TFEC: variants seen among roughly 807,000 people sequenced by gnomAD.
The protein encoded by TFEC is class E basic helix-loop-helix protein 34.
Under a neutral mutation model 41.6 loss-of-function variants are expected in TFEC, and 31 were observed. The ratio of observed to expected loss-of-function variants is 0.74; its 90% CI spans 0.56 to 1.01. The LOEUF (loss-of-function observed/expected upper bound fraction) is 1.01, where lower values mean the gene tolerates loss of function less well. Ranked by LOEUF, TFEC falls within the 50% of genes least tolerant of loss-of-function variation. The probability of loss-of-function intolerance (pLI) is 0.00; values close to 1 mark genes in which losing one functional copy is unlikely to be tolerated. For missense variants in TFEC, 402 were observed against 404.1 expected (o/e 0.99, Z 0.04); for synonymous variants, 143 against 140.6 (o/e 1.02, Z -0.12).
At chr7:115,995,333 TTAAAG>T (rs1390135653) in intron 1 of TFEC, among the ~76,000 whole-genome samples, 1 of 151,804 alleles carries the variant, frequency 6.6e-6, no homozygotes, top group Admixed American at 6.6e-5. Flanking sequence ...ACCCTAGAAC[TTAAAG>T]TATATTAAAA....
chr7:115,951,946 T>C (rs1791967574), intron 5 of TFEC, among the ~76,000 whole-genome samples: 1 of 152,084 alleles, frequency 6.6e-6, no homozygotes, highest in Non-Finnish European at 1.5e-5. Context: ...ACATGGTATC[T>C]TTTTCAACAG....
intron 3 of TFEC, among the ~76,000 whole-genome samples, chr7:115,959,973 G>A (rs10277451): frequency 0.85 from 128,956 of 151,456 alleles, 55,029 homozygotes; most frequent in Non-Finnish European, 0.89. Context: ...AGAATTAATA[G>A]TAATCAATGG....
In TFEC at chr7:116,084,390, T is replaced by G. The variant is rs752717736; in HGVS notation, c.198+26318A>C. ...ATCATAAACACAACTTTATAACAAA[T>G]AAAAATATTTTAACTAGCTAGTTGC... On this transcript the variant is annotated intron_variant, in intron 3 of 8. Transcript: ENST00000484212. Among the ~76,000 whole-genome samples, 38 of 151,872 alleles carry G rather than the reference T, an allele frequency of 2.5e-4. 1 individual carries two copies. The highest frequency in any genetic ancestry group is 5.9e-5 in the Non-Finnish European group (4 of 67,860).
At chr7:116,036,953 A>G (rs1795925845) in intron 3 of TFEC, among the ~76,000 whole-genome samples, 1 of 152,076 alleles carries the variant, frequency 6.6e-6, no homozygotes, top group African/African-American at 2.4e-5. Flanking sequence ...TTGATAATAG[A>G]TAACATTTAA....
In TFEC at chr7:115,954,526, C is replaced by CT. The variant is rs1792115374; in HGVS notation, c.439+59_439+60insA. On this transcript the variant is annotated intron_variant, in intron 5 of 7. Coordinates refer to ENST00000265440, the MANE Select transcript of TFEC (RefSeq NM_012252.4). The stretch of plus-strand genomic sequence containing the variant: ...TTATGGAGTATAATAAAAGACCACA[C>CT]ACCTTAACCTCTATGCATTTCCTTT... 4.3e-6 allele frequency: 6 copies of CT among 1,396,680 alleles called. No individual in the cohort carries two copies. In the Admixed American group the frequency reaches 1.3e-4, roughly 31 times the overall value. 86.5% of individuals were successfully genotyped at this position (1,396,680 alleles called of 1,614,324 possible).
intron 3 of TFEC, among the ~76,000 whole-genome samples, chr7:116,038,578 C>T (rs1365566356): frequency 1.3e-5 from 2 of 151,968 alleles, no homozygotes; most frequent in Non-Finnish European, 2.9e-5. Flanking sequence ...TTCATGGAGG[C>T]TACCATCTCA....
chr7:116,124,381 C>T (rs554632852), intron 1 of TFEC, among the ~76,000 whole-genome samples: 2 of 152,062 alleles, frequency 1.3e-5, no homozygotes, highest in African/African-American at 2.4e-5. Context: ...AAAATCTGCT[C>T]CAGGGATGTG....
At chr7:116,152,279 A>C (rs1798777776) in intron 1 of TFEC, among the ~76,000 whole-genome samples, 1 of 152,226 alleles carries the variant, frequency 6.6e-6, no homozygotes, top group African/African-American at 2.4e-5. Flanking sequence ...CATGATCCTG[A>C]TAAAAGAAAA....
At chr7:115,998,276 A>T (rs960594732) in intron 1 of TFEC, among the ~76,000 whole-genome samples, 6 of 152,128 alleles carry the variant, frequency 3.9e-5, no homozygotes, top group Non-Finnish European at 8.8e-5. Context: ...AGGTTATAAG[A>T]TGGTATTTGC....
chr7:116,116,327 A>G (rs556351417), intron 1 of TFEC, among the ~76,000 whole-genome samples: 34 of 152,030 alleles, frequency 2.2e-4, no homozygotes, highest in African/African-American at 5.5e-4. Flanking sequence ...TATGTGATGA[A>G]CTTTCATGTG....
intron 3 of TFEC, among the ~76,000 whole-genome samples, chr7:116,096,359 A>T (rs1382036675): frequency 6.6e-6 from 1 of 152,146 alleles, no homozygotes; most frequent in African/African-American, 2.4e-5. Flanking sequence ...AATGAGCATA[A>T]TCTGTCCTTA....
chr7:116,131,851 G>A (rs571886813), intron 1 of TFEC, among the ~76,000 whole-genome samples: 2 of 152,240 alleles, frequency 1.3e-5, no homozygotes, highest in Non-Finnish European at 2.9e-5. Context: ...AGATATTAAC[G>A]CACATTAAAT....
In TFEC at chr7:115,940,798, G is replaced by A; in HGVS notation, c.797C>T (p.Thr266Ile). 1 of 1,613,536 alleles carries A rather than the reference G, an allele frequency of 6.2e-7. No homozygotes were observed. Residue 266 changes from threonine (T) to isoleucine (I), a missense_variant, in exon 8 of 8, where the codon ACT (threonine) becomes ATT (isoleucine). By Grantham distance (89) the Thr-to-Ile change is moderately conservative. Transcript: ENST00000265440. ...CTCAGGGCTTGGCCCCTGAGACACA[G>A]TCAGTTGTTGGCAATAGTCTACTGA... ...QNSVDYCQQL[T>I]VSQGPSPELC... is the part of the protein sequence containing the mutation.
intron 3 of TFEC, among the ~76,000 whole-genome samples, chr7:116,052,305 T>A (rs111826859): frequency 0.02 from 3,048 of 152,272 alleles, 88 homozygotes; most frequent in African/African-American, 0.068. Flanking sequence ...TTTACATTTA[T>A]CAAAATGTGT....
chr7:115,952,240 A>G (rs1400671538), intron 5 of TFEC, among the ~76,000 whole-genome samples: 1 of 151,946 alleles, frequency 6.6e-6, no homozygotes, highest in Non-Finnish European at 1.5e-5. Context: ...CTCTTCACCA[A>G]TCCTATTTCC....
chr7:116,029,321 A>T (rs542961749), intron 1 of TFEC, among the ~76,000 whole-genome samples: 1 of 152,308 alleles, frequency 6.6e-6, no homozygotes, highest in South Asian at 2.1e-4. Flanking sequence ...GCTTCCATCC[A>T]AAAGTAAAAT....
chr7:115,946,851 A>G (rs1455838654), intron 6 of TFEC, among the ~76,000 whole-genome samples: 1 of 151,264 alleles, frequency 6.6e-6, no homozygotes, highest in Non-Finnish European at 1.5e-5. Flanking sequence ...GTATCACTTT[A>G]TCAAACATGA....
At chr7:115,959,346 C>T (rs1297473064) in intron 3 of TFEC, among the ~76,000 whole-genome samples, 5 of 151,732 alleles carry the variant, frequency 3.3e-5, no homozygotes, top group Non-Finnish European at 7.4e-5. Flanking sequence ...TGAGAAACTG[C>T]TTTGAGGTGA....
intron 3 of TFEC, among the ~76,000 whole-genome samples, chr7:115,972,408 G>A (rs942282783): frequency 6.6e-6 from 1 of 152,040 alleles, no homozygotes; most frequent in African/African-American, 2.4e-5. Flanking sequence ...GGCAGGTTAC[G>A]TGATTTGCAC....
Sources: gnomAD v4.1 joint callset for allele counts (sites outside exome capture counted in the v4.1 genomes callset) on GRCh38, gnomAD v4.1.1 for gene constraint, MANE v1.5 for transcripts, NCBI Gene and HGNC (gene_info 2026-07-23, HGNC 2026-07-21) for gene names.